NRXN1: variants seen among roughly 807,000 people sequenced by gnomAD.
NRXN1 encodes neurexin 1.
In NRXN1, 39 loss-of-function variants were observed where a neutral mutation model predicts 150.9. The ratio of observed to expected loss-of-function variants is 0.26; its 90% CI spans 0.20 to 0.34. The LOEUF (loss-of-function observed/expected upper bound fraction) is 0.34. Among genes scored for constraint, NRXN1 ranks in the 10% least tolerant of loss-of-function variants. The probability of loss-of-function intolerance (pLI) is 1.00; values close to 1 mark genes in which losing one functional copy is unlikely to be tolerated. For synonymous variants in NRXN1, 924 were observed against 757.0 expected (o/e 1.22, Z -3.62); for missense variants, 1,815 against 1,949.9 (o/e 0.93, Z 1.30).
In NRXN1 at chr2:50,649,893, A is replaced by T. The variant is rs370501153; in HGVS notation, c.833-26278T>A. Among the ~76,000 whole-genome samples, 414 of 152,120 alleles carry T rather than the reference A, an allele frequency of 2.7e-3. 3 individuals carry two copies. The highest frequency in any genetic ancestry group is 0.017 in the Middle Eastern group (5 of 294). On this transcript the variant is annotated intron_variant, in intron 5 of 22. Coordinates refer to ENST00000401669, the MANE Select transcript of NRXN1 (RefSeq NM_001330078.2). ...ATAATTGCCCTTGTTCTGTCCCTAAATGAAGAAAAACGAAGCAGCTGTGGT... is the reference window on the plus strand; with the variant it reads ...ATAATTGCCCTTGTTCTGTCCCTAATTGAAGAAAAACGAAGCAGCTGTGGT...
intron 8 of NRXN1, among the ~76,000 whole-genome samples, chr2:50,559,281 T>C (rs1289852811): frequency 6.6e-6 from 1 of 152,174 alleles, no homozygotes; most frequent in Non-Finnish European, 1.5e-5. Context: ...ATAAATTGCA[T>C]TTGCTTTGCC....
intron 8 of NRXN1, among the ~76,000 whole-genome samples, chr2:50,593,395 A>C (rs1200823754): frequency 6.6e-6 from 1 of 152,230 alleles, no homozygotes; most frequent in African/African-American, 2.4e-5. Flanking sequence ...CTGAATTTAC[A>C]AGCATGTATA....
At chr2:50,084,278 A>G (rs1233016740) in intron 19 of NRXN1, among the ~76,000 whole-genome samples, 2 of 152,192 alleles carry the variant, frequency 1.3e-5, no homozygotes, top group African/African-American at 4.8e-5. Context: ...AGGGGGCCGC[A>G]CAGGAGCCCG....
chr2:50,552,577 A>G lies in NRXN1; in HGVS notation c.1759+10T>C, dbSNP rs767120057. 5 of 1,600,986 alleles carry G rather than the reference A, an allele frequency of 3.1e-6. No individual in the cohort carries two copies. The highest frequency in any genetic ancestry group is 1.1e-5 in the South Asian group (1 of 90,592). Reference sequence around the variant, plus strand: ...AGCAGATAAACAGCATAGAAAAATGATAAGATTACCTGACCGTCCGTCTCT... The same window carrying G: ...AGCAGATAAACAGCATAGAAAAATGGTAAGATTACCTGACCGTCCGTCTCT... On this transcript the variant is annotated intron_variant, in intron 9 of 22. Coordinates refer to ENST00000401669, the MANE Select transcript of NRXN1 (RefSeq NM_001330078.2).
chr2:51,005,178 TC>T (rs1700556051), intron 2 of NRXN1, among the ~76,000 whole-genome samples: 1 of 151,964 alleles, frequency 6.6e-6, no homozygotes, highest in Admixed American at 6.6e-5. Flanking sequence ...CCTCTTTTAT[TC>T]CTCATCTTCT....
At chr2:50,437,272 A>T (rs986426041) in intron 17 of NRXN1, among the ~76,000 whole-genome samples, 3 of 152,190 alleles carry the variant, frequency 2.0e-5, no homozygotes, top group African/African-American at 7.2e-5. Context: ...CAAAATCCCA[A>T]GTAAAACTTT....
At chr2:50,485,777 G>C (rs1022714716) in intron 15 of NRXN1, among the ~76,000 whole-genome samples, 1 of 152,168 alleles carries the variant, frequency 6.6e-6, no homozygotes, top group African/African-American at 2.4e-5. Flanking sequence ...GAAAAGCCTT[G>C]GATGAACCCA....
chr2:50,643,923 C>T (rs1460823023), intron 5 of NRXN1, among the ~76,000 whole-genome samples: 1 of 151,808 alleles, frequency 6.6e-6, no homozygotes, highest in East Asian at 1.9e-4. Context: ...CTAACCTCCT[C>T]CCCAAATTGA....
intron 21 of NRXN1, among the ~76,000 whole-genome samples, chr2:50,006,196 T>C (rs1241494573): frequency 6.6e-6 from 1 of 152,120 alleles, no homozygotes; most frequent in Non-Finnish European, 1.5e-5. Flanking sequence ...GTTTCGGCAA[T>C]GTTCCTCTTG....
chr2:50,677,248 A>G (rs1044132026), intron 5 of NRXN1, among the ~76,000 whole-genome samples: 1 of 152,182 alleles, frequency 6.6e-6, no homozygotes, highest in Admixed American at 6.6e-5. Flanking sequence ...AGCTCTGTGA[A>G]GAGTCTCTGG....
chr2:50,913,519 T>G (rs1024168171), intron 5 of NRXN1, among the ~76,000 whole-genome samples: 1 of 151,870 alleles, frequency 6.6e-6, no homozygotes, highest in Non-Finnish European at 1.5e-5. Context: ...ATAAGTTGTT[T>G]TAATTTTCTG....
intron 22 of NRXN1, among the ~76,000 whole-genome samples, chr2:49,942,135 A>G (rs1286849389): frequency 5.3e-5 from 8 of 152,162 alleles, no homozygotes; most frequent in Non-Finnish European, 8.8e-5. Flanking sequence ...GAGGCCAATG[A>G]GCTGGGAGAA....
At chr2:50,152,629 T>C (rs1206494424) in intron 18 of NRXN1, among the ~76,000 whole-genome samples, 1 of 151,842 alleles carries the variant, frequency 6.6e-6, no homozygotes, top group Non-Finnish European at 1.5e-5. Context: ...TTTTTTATTT[T>C]GGCACTTTGA....
At chr2:50,630,711 T>C (rs1682143304) in intron 5 of NRXN1, among the ~76,000 whole-genome samples, 1 of 151,740 alleles carries the variant, frequency 6.6e-6, no homozygotes, top group Admixed American at 6.6e-5. Flanking sequence ...ACTATAGTTA[T>C]ATGATTCAAA....
At position 50,415,955 on chromosome 2, in the gene NRXN1, CAAA is replaced by C. The variant is rs10585013; in HGVS notation, c.3364+49484_3364+49486del. On this transcript the variant is annotated intron_variant, in intron 17 of 22. Coordinates refer to ENST00000401669, the MANE Select transcript of NRXN1 (RefSeq NM_001330078.2). ...CTGTTAGTAGTTATTCAACAACATA[CAAA>C]AAAAAAAAAAAAAAAGCTTGGACTA... Among the ~76,000 whole-genome samples the C allele has an allele frequency of 2.3e-3, 204 of 88,846 alleles. 2 individuals carry two copies. Among genetic ancestry groups the C allele is most frequent in the East Asian group, 4.3e-3 (16 of 3,742 alleles). 58.3% of individuals were successfully genotyped at this position (88,846 alleles called of 152,430 possible).
chr2:50,236,737 A>T, intron 18 of NRXN1, 52 bp downstream of exon 18: 1 of 1,564,216 alleles, frequency 6.4e-7, no homozygotes, highest in Non-Finnish European at 8.8e-7. Context: ...AATTCTTTAC[A>T]AAAAGTTAAC....
intron 5 of NRXN1, among the ~76,000 whole-genome samples, chr2:50,636,076 C>T (rs1018212211): frequency 6.6e-6 from 1 of 152,058 alleles, no homozygotes; most frequent in Admixed American, 6.6e-5. Context: ...CAGAATATCA[C>T]GATGCCCAAC....
intron 17 of NRXN1, among the ~76,000 whole-genome samples, chr2:50,345,945 C>G (rs2077925433): frequency 6.6e-6 from 1 of 152,186 alleles, no homozygotes; most frequent in South Asian, 2.1e-4. Flanking sequence ...TCAAGCCTCT[C>G]TCTGTTCCAT....
intron 18 of NRXN1, among the ~76,000 whole-genome samples, chr2:50,152,116 T>C (rs1038918860): frequency 6.6e-6 from 1 of 151,758 alleles, no homozygotes; most frequent in Non-Finnish European, 1.5e-5. Context: ...TGCACTCATA[T>C]TGTTGTACAA....
Sources: allele counts gnomAD v4.1 joint callset (sites outside exome capture counted in the v4.1 genomes callset), GRCh38; gene constraint gnomAD v4.1.1; transcripts MANE v1.5; gene names NCBI Gene and HGNC (gene_info 2026-07-23, HGNC 2026-07-21).